SELE: variants seen among roughly 807,000 people sequenced by gnomAD.
SELE encodes the protein selectin E.
Under a neutral mutation model 75.8 loss-of-function variants are expected in SELE, and 52 were observed. That is an observed-to-expected ratio of 0.69 (90% confidence interval 0.55 to 0.86). SELE has a LOEUF of 0.86. Among genes scored for constraint, SELE ranks in the 40% least tolerant of loss-of-function variants. SELE has a pLI of 0.00. For synonymous variants in SELE, 285 were observed against 258.7 expected (o/e 1.10, Z -0.98); for missense variants, 754 against 732.7 (o/e 1.03, Z -0.34).
chr1:169,732,292 T>G (rs4656705), intron 3 of SELE, among the ~76,000 whole-genome samples: 1 of 127,234 alleles, frequency 7.9e-6, no homozygotes, highest in African/African-American at 2.7e-5. Context: ...TTATATATAT[T>G]TTATATATAT....
At position 169,729,470 on chromosome 1, in the gene SELE, C is replaced by T. The variant is rs1648855056; in HGVS notation, c.901+18G>A. On this transcript the variant is annotated intron_variant, in intron 6 of 13. Coordinates refer to ENST00000333360, the MANE Select transcript of SELE (RefSeq NM_000450.2). Reference sequence around the variant, plus strand: ...AGAAAGAATGTTCACAGTAAGTCTCCATGTGGAACAACTCTACCTTTACAC... The same window carrying T: ...AGAAAGAATGTTCACAGTAAGTCTCTATGTGGAACAACTCTACCTTTACAC... 6.2e-7 allele frequency: 1 copy of T among 1,612,548 alleles called. No homozygotes were observed. The highest frequency in any genetic ancestry group is 8.5e-7 in the Non-Finnish European group (1 of 1,179,012).
chr1:169,726,833 T>A (rs1375493971), intron 10 of SELE, 27 bp from the exon 11 acceptor site: 1 of 1,522,198 alleles, frequency 6.6e-7, no homozygotes, highest in Admixed American at 1.7e-5. Flanking sequence ...CGAAGAAAGG[T>A]CATGAGGAAG....
Position 169,729,568 on chromosome 1 carries a change from T to C in SELE, c.821A>G (p.Glu274Gly), listed in dbSNP as rs1401242575. Residue 274 changes from glutamate (E) to glycine (G), a missense_variant, in exon 6 of 14, where the codon GAA becomes GGA. Physicochemically the swap from Glu to Gly is moderately conservative, Grantham distance 98. Transcript: ENST00000333360. ...WNTTCTFDCE[E>G]GFELMGAQSL... Reference sequence around the variant, plus strand: ...CTGGGCTCCCATTAGTTCAAATCCTTCTTCACAGTCAAATGTACAGGTTGT... The same window carrying C: ...CTGGGCTCCCATTAGTTCAAATCCTCCTTCACAGTCAAATGTACAGGTTGT... 6.2e-7 allele frequency: 1 copy of C among 1,614,076 alleles called. No individual in the cohort carries two copies. The highest frequency in any genetic ancestry group is 1.3e-5 in the African/African-American group (1 of 74,926).
Position 169,732,891 on chromosome 1 carries a change from C to T in SELE, c.145G>A (p.Ala49Thr). 2 of 1,614,128 alleles carry T rather than the reference C, an allele frequency of 1.2e-6. No individual in the cohort carries two copies. Among genetic ancestry groups the T allele is most frequent in the Non-Finnish European group, 1.7e-6 (2 of 1,180,012 alleles). The change falls in exon 3 of 14, where the codon GCA (alanine) becomes ACA (threonine). Residue 49 changes from alanine to threonine, a missense_variant. Physicochemically the swap from Ala to Thr is moderately conservative, Grantham distance 58. Coordinates refer to ENST00000333360, the MANE Select transcript of SELE (RefSeq NM_000450.2). ...TCAATCTCTTCTTTGTTTTGAATTG[C>T]AACCAGGTGTGTGTACCTTTGCTGA... ...YCQQRYTHLV[A>T]IQNKEEIEYL...
chr1:169,724,976 A>G (rs1267790864), intron 13 of SELE, among the ~76,000 whole-genome samples: 1 of 152,236 alleles, frequency 6.6e-6, no homozygotes, highest in Non-Finnish European at 1.5e-5. Context: ...AGTTAAGAAC[A>G]CAAATTTTAG....
chr1:169,728,348 T>C, intron 7 of SELE, 102 bp from the exon 8 acceptor site: 2 of 1,093,028 alleles, frequency 1.8e-6, no homozygotes, highest in South Asian at 3.3e-5. Flanking sequence ...CTTGGAGAAC[T>C]GAAGATTCTT....
rs1478380203 is a variant in SELE, at chr1:169,727,458, A to C, written c.1536T>G (p.Phe512Leu). 1 of 1,614,152 alleles carries C rather than the reference A, an allele frequency of 6.2e-7. No homozygotes were observed. Among genetic ancestry groups the C allele is most frequent in the South Asian group, 1.1e-5 (1 of 91,084 alleles). Residue 512 changes from phenylalanine (F) to leucine (L), a missense_variant, in exon 10 of 14, where the codon TTT becomes TTG. Coordinates refer to ENST00000333360, the MANE Select transcript of SELE (RefSeq NM_000450.2). ...GACAGGCGAACTTGCACACAGTGCC[A>C]AACACGGGCTCCCCACTGCAGCTCA... ...INMSCSGEPVFGTVCKFACPE... is the reference protein window; with the variant it reads ...INMSCSGEPVLGTVCKFACPE...
In SELE at chr1:169,725,773, T is replaced by C. The variant is rs370947509; in HGVS notation, c.1804A>G (p.Ser602Gly). The C allele has an allele frequency of 2.5e-6, 4 of 1,613,970 alleles. No homozygotes were observed. The African/African-American group carries it at 5.3e-5, about 22-fold the overall frequency. Reference sequence around the variant, plus strand: ...AGGATGTAAGAAGGCTTTTGGTAGCTTCCATCTGATTCAAGGCTTTGGCAG... The same window carrying C: ...AGGATGTAAGAAGGCTTTTGGTAGCCTCCATCTGATTCAAGGCTTTGGCAG... ...SSCQSLESDGSYQKPSYIL is the reference protein window; with the variant it reads ...SSCQSLESDGGYQKPSYIL Residue 602 changes from serine to glycine, a missense_variant, in exon 13 of 14, where the codon AGC (serine) becomes GGC (glycine). Transcript: ENST00000333360.
chr1:169,730,876 A>T (rs930360183), intron 4 of SELE, among the ~76,000 whole-genome samples: 20 of 152,254 alleles, frequency 1.3e-4, no homozygotes, highest in Admixed American at 3.3e-4. Flanking sequence ...GAGTAGTGTA[A>T]TTGTGTTTAC....
intron 7 of SELE, among the ~76,000 whole-genome samples, chr1:169,728,449 A>G (rs1648832025): frequency 6.6e-6 from 1 of 152,214 alleles, no homozygotes. Context: ...AGACTAATTA[A>G]TCAGAACATT....
chr1:169,733,093 TTTGTG>T, intron 2 of SELE, 95 bp from the exon 3 acceptor site: 1 of 1,278,604 alleles, frequency 7.8e-7, no homozygotes, highest in Non-Finnish European at 1.1e-6. Context: ...TTTGGCAATG[TTTGTG>T]ACATGGCCCA....
chr1:169,728,291 G>T, intron 7 of SELE, 45 bp from the exon 8 acceptor site: 1 of 1,589,582 alleles, frequency 6.3e-7, no homozygotes, highest in Non-Finnish European at 8.6e-7. Context: ...AGTGGAACTA[G>T]AGAGTACTTG....
chr1:169,731,821 A>C lies in SELE; in HGVS notation c.529+14T>G, dbSNP rs1648918144. 6.3e-7 allele frequency: 1 copy of C among 1,582,364 alleles called. No homozygotes were observed. The highest frequency in any genetic ancestry group is 1.3e-5 in the African/African-American group (1 of 74,198). Reference sequence around the variant, plus strand: ...ACCATCTCAAGTGAAGAAAGAGGCAAGAACCAGACTTACTTTGCTCACACT... The same window carrying C: ...ACCATCTCAAGTGAAGAAAGAGGCACGAACCAGACTTACTTTGCTCACACT... On this transcript the variant is annotated intron_variant, in intron 4 of 13. Transcript: ENST00000333360.
rs1459223630 is a variant in SELE, at chr1:169,729,482, C to T, written c.901+6G>A. ...CACAGTAAGTCTCCATGTGGAACAA[C>T]TCTACCTTTACACGTTGGCTTCTCG... On this transcript the variant is annotated splice_donor_region_variant and intron_variant, in intron 6 of 13. Transcript: ENST00000333360. 6.2e-7 allele frequency: 1 copy of T among 1,613,602 alleles called. No homozygotes were observed. Among genetic ancestry groups the T allele is most frequent in the East Asian group, 2.2e-5 (1 of 44,890 alleles).
chr1:169,732,968 G>A lies in SELE; in HGVS notation c.68C>T (p.Ser23Phe). Residue 23 changes from serine to phenylalanine, a missense_variant, in exon 3 of 14, where the codon TCT (serine) becomes TTT (phenylalanine). Physicochemically the swap from Ser to Phe is radical, Grantham distance 155. Coordinates refer to ENST00000333360, the MANE Select transcript of SELE (RefSeq NM_000450.2). ...VLLIKESGAW[S>F]YNTSTEAMTY... Reference sequence around the variant, plus strand: ...CATAGCTTCCGTGGAGGTGTTGTAAGACCAGGCTCCACTCTCTTTAATGAG... The same window carrying A: ...CATAGCTTCCGTGGAGGTGTTGTAAAACCAGGCTCCACTCTCTTTAATGAG... The A allele has an allele frequency of 6.2e-7, 1 of 1,606,190 alleles. No homozygotes were observed. The highest frequency in any genetic ancestry group is 8.5e-7 in the Non-Finnish European group (1 of 1,177,512).
chr1:169,733,387 C>T (rs571845755), intron 2 of SELE, among the ~76,000 whole-genome samples, 189 bp downstream of exon 2: 28 of 152,266 alleles, frequency 1.8e-4, no homozygotes, highest in Admixed American at 4.6e-4. Flanking sequence ...ACACTTTACA[C>T]TTAAGGAAAG....
Position 169,727,545 on chromosome 1 carries a change from A to C in SELE, c.1469-20T>G, listed in dbSNP as rs756599588. 6.3e-7 allele frequency: 1 copy of C among 1,590,264 alleles called. No homozygotes were observed. The highest frequency in any genetic ancestry group is 1.1e-5 in the South Asian group (1 of 87,228). ...TTACCACTGCAAATGTTAGGTACAC[A>C]GGCAGAGTTTCAGAAAAATCTACTG... On this transcript the variant is annotated intron_variant, in intron 9 of 13. Coordinates refer to ENST00000333360, the MANE Select transcript of SELE (RefSeq NM_000450.2).
chr1:169,732,997 C>G lies in SELE; in HGVS notation c.39G>C (p.Val13=). 2 of 1,560,592 alleles carry G rather than the reference C, an allele frequency of 1.3e-6. No individual in the cohort carries two copies. The highest frequency in any genetic ancestry group is 1.7e-6 in the Non-Finnish European group (2 of 1,160,192). The change falls in exon 3 of 14, where the codon GTG becomes GTC. Residue 13 remains valine (V), a splice_region_variant and synonymous_variant. Coordinates refer to ENST00000333360, the MANE Select transcript of SELE (RefSeq NM_000450.2). ...ASQFLSALTL[V]LLIKESGAWS... ...AGGCTCCACTCTCTTTAATGAGAAGCACTAGTGGGAGAAAAAGAAAAGAAA... is the reference window on the plus strand; with the variant it reads ...AGGCTCCACTCTCTTTAATGAGAAGGACTAGTGGGAGAAAAAGAAAAGAAA...
intron 5 of SELE, 96 bp downstream of exon 5, chr1:169,730,336 C>T (rs919137284): frequency 1.9e-5 from 22 of 1,132,912 alleles, no homozygotes; most frequent in Non-Finnish European, 2.5e-5. Context: ...AAAAAAAAAA[C>T]TTTCCCTGAA....
Sources: allele counts gnomAD v4.1 joint callset (sites outside exome capture counted in the v4.1 genomes callset), GRCh38; gene constraint gnomAD v4.1.1; transcripts MANE v1.5; gene names NCBI Gene and HGNC (gene_info 2026-07-23, HGNC 2026-07-21).